Variants in FAM135A observed in about 807,000 individuals in gnomAD.
FAM135A encodes the protein protein FAM135A.
FAM135A carries 79 observed loss-of-function variants against 146.8 expected under a neutral mutation model. The observed-to-expected ratio is 0.54, with a 90% CI of 0.45 to 0.65. The LOEUF is 0.65. Among genes scored for constraint, FAM135A ranks in the 30% least tolerant of loss-of-function variants. The pLI is 0.00. For synonymous variants in FAM135A, 562 were observed against 603.6 expected (o/e 0.93, Z 1.01); for missense variants, 1,623 against 1,758.2 (o/e 0.92, Z 1.38).
chr6:70,481,117 A>T (rs1483307056), intron 9 of FAM135A, 90 bp downstream of exon 9: 2 of 1,232,506 alleles, frequency 1.6e-6, no homozygotes, highest in African/African-American at 1.6e-5. Context: ...TTTCTTTTTT[A>T]AATTATTTCA....
At chr6:70,472,244 G>T (rs539212140) in intron 5 of FAM135A, among the ~76,000 whole-genome samples, 1 of 152,144 alleles carries the variant, frequency 6.6e-6, no homozygotes, top group East Asian at 1.9e-4. Flanking sequence ...CTCACCTCAC[G>T]TTACCTGGGT....
At chr6:70,442,320 T>G (rs1774743229) in intron 4 of FAM135A, among the ~76,000 whole-genome samples, 1 of 150,522 alleles carries the variant, frequency 6.6e-6, no homozygotes, top group Non-Finnish European at 1.5e-5. Context: ...TCACTTGAAG[T>G]ATTTCTCTGT....
At chr6:70,534,698 A>G (rs572285702) in intron 18 of FAM135A, among the ~76,000 whole-genome samples, 30 of 152,140 alleles carry the variant, frequency 2.0e-4, no homozygotes, top group Non-Finnish European at 3.5e-4. Flanking sequence ...TCATTATTTA[A>G]TTAGATCTTG....
rs141222810 is a variant in FAM135A, at chr6:70,489,668, A to G, written c.824-1366A>G. On this transcript the variant is annotated intron_variant, in intron 10 of 21. Coordinates refer to ENST00000418814, the MANE Select transcript of FAM135A (RefSeq NM_001162529.3). ...TGGGGAACTCTATGAAGAATACATG[A>G]TTATTCATGAAAGGGCATGAGGAGG... Among the ~76,000 whole-genome samples the G allele has an allele frequency of 2.2e-3, 335 of 152,258 alleles. 3 individuals are homozygous for G. Among genetic ancestry groups the G allele is most frequent in the Non-Finnish European group, 3.3e-3 (225 of 68,014 alleles).
intron 4 of FAM135A, among the ~76,000 whole-genome samples, chr6:70,445,844 C>T (rs1030529760): frequency 5.3e-5 from 8 of 150,900 alleles, no homozygotes; most frequent in East Asian, 2.0e-4. Flanking sequence ...TGGCCAGATT[C>T]GGGGCGGGGG....
chr6:70,492,535 A>G (rs1347033100), intron 11 of FAM135A, among the ~76,000 whole-genome samples: 1 of 151,860 alleles, frequency 6.6e-6, no homozygotes, highest in Non-Finnish European at 1.5e-5. Context: ...AAAATATACT[A>G]TAAATTTGAA....
At chr6:70,546,743 A>T (rs1798935019) in intron 20 of FAM135A, among the ~76,000 whole-genome samples, 1 of 152,224 alleles carries the variant, frequency 6.6e-6, no homozygotes. Flanking sequence ...AAGGAATTAC[A>T]ATTATAAACA....
At chr6:70,446,970 G>A (rs1042151360) in intron 4 of FAM135A, among the ~76,000 whole-genome samples, 1 of 152,244 alleles carries the variant, frequency 6.6e-6, no homozygotes, top group Non-Finnish European at 1.5e-5. Flanking sequence ...AGGTACAGAA[G>A]TTATAATTGG....
At chr6:70,517,616 A>G (rs1293912829) in intron 12 of FAM135A, among the ~76,000 whole-genome samples, 1 of 151,760 alleles carries the variant, frequency 6.6e-6, no homozygotes, top group Non-Finnish European at 1.5e-5. Context: ...ACAGGGTTTC[A>G]CCGTGTTGGT....
At chr6:70,518,829 C>G (rs1029728452) in intron 12 of FAM135A, among the ~76,000 whole-genome samples, 1 of 152,208 alleles carries the variant, frequency 6.6e-6, no homozygotes, top group Admixed American at 6.5e-5. Context: ...TATTATTGCT[C>G]ATTAATATTG....
intron 4 of FAM135A, among the ~76,000 whole-genome samples, chr6:70,446,327 T>C (rs897718519): frequency 6.6e-6 from 1 of 152,186 alleles, no homozygotes; most frequent in Non-Finnish European, 1.5e-5. Context: ...TTCCAGATAG[T>C]AGGAACTCTT....
chr6:70,516,501 T>C (rs1792244989), intron 12 of FAM135A, among the ~76,000 whole-genome samples: 1 of 151,848 alleles, frequency 6.6e-6, no homozygotes, highest in Non-Finnish European at 1.5e-5. Context: ...TTATTGAGAT[T>C]TTAATATCAT....
chr6:70,436,719 G>A (rs1347081391), intron 4 of FAM135A, among the ~76,000 whole-genome samples: 1 of 152,208 alleles, frequency 6.6e-6, no homozygotes, highest in Non-Finnish European at 1.5e-5. Flanking sequence ...TTCTTTAGGT[G>A]AGAAAGGATG....
At chr6:70,485,223 G>A (rs905585771) in intron 10 of FAM135A, among the ~76,000 whole-genome samples, 1 of 151,968 alleles carries the variant, frequency 6.6e-6, no homozygotes, top group Admixed American at 6.6e-5. Context: ...AAAAAGTATA[G>A]GCATCAACAT....
chr6:70,536,524 G>T, intron 19 of FAM135A, 113 bp downstream of exon 19: 1 of 870,272 alleles, frequency 1.1e-6, no homozygotes, highest in Non-Finnish European at 1.6e-6. Flanking sequence ...GAAATTTCGT[G>T]AAATAAAAAA....
At chr6:70,515,169 A>T (rs1791917210) in intron 12 of FAM135A, among the ~76,000 whole-genome samples, 1 of 152,228 alleles carries the variant, frequency 6.6e-6, no homozygotes, top group Admixed American at 6.5e-5. Flanking sequence ...TGGTAGGAAC[A>T]CAAAATAGGA....
chr6:70,538,443 C>T (rs760465858), intron 20 of FAM135A, 42 bp downstream of exon 20: 9 of 1,152,398 alleles, frequency 7.8e-6, no homozygotes, highest in Non-Finnish European at 1.0e-5. Flanking sequence ...CATGTGAAAA[C>T]TTTTTAAAAA....
intron 5 of FAM135A, among the ~76,000 whole-genome samples, chr6:70,462,989 C>A (rs1477923815): frequency 1.3e-5 from 2 of 152,188 alleles, no homozygotes; most frequent in African/African-American, 4.8e-5. Flanking sequence ...CTTTTCAGGG[C>A]CTTCCTTTGA....
intron 5 of FAM135A, among the ~76,000 whole-genome samples, chr6:70,472,515 C>T (rs543784116): frequency 1.8e-4 from 27 of 152,290 alleles, no homozygotes; most frequent in African/African-American, 5.8e-4. Context: ...TATTCTCCTG[C>T]ATAACCCCAA....
Sources: allele counts gnomAD v4.1 joint callset (sites outside exome capture counted in the v4.1 genomes callset), GRCh38; gene constraint gnomAD v4.1.1; transcripts MANE v1.5; gene names NCBI Gene and HGNC (gene_info 2026-07-23, HGNC 2026-07-21).